ELP3: variants seen among roughly 807,000 people sequenced by gnomAD.
ELP3 encodes elongator complex protein 3.
ELP3 carries 56 observed loss-of-function variants against 74.9 expected under a neutral mutation model. The observed-to-expected ratio is 0.75, with a 90% CI of 0.60 to 0.93. The LOEUF is 0.93. Ranked by LOEUF, ELP3 falls within the 40% of genes least tolerant of loss-of-function variation. The pLI is 0.00. For synonymous variants in ELP3, 222 were observed against 239.8 expected (o/e 0.93, Z 0.68); for missense variants, 573 against 686.5 (o/e 0.83, Z 1.85).
At chr8:28,112,705 T>A (rs1024872015) in intron 6 of ELP3, 1 of 188,028 alleles carries the variant, frequency 5.3e-6, no homozygotes, top group African/African-American at 2.3e-5. Flanking sequence ...TTTTGCAAAT[T>A]GTATTATATT....
intron 14 of ELP3, among the ~76,000 whole-genome samples, chr8:28,173,269 T>A (rs1032848505): frequency 6.6e-6 from 1 of 152,032 alleles, no homozygotes; most frequent in African/African-American, 2.4e-5. Context: ...CTTTTTCTTA[T>A]TGGGACATTT....
intron 7 of ELP3, among the ~76,000 whole-genome samples, chr8:28,126,029 G>A (rs1008859109): frequency 4.6e-5 from 7 of 151,658 alleles, no homozygotes; most frequent in Non-Finnish European, 8.8e-5. Flanking sequence ...TTTAATCAAC[G>A]GAGAATTTTT....
rs377224521 is a variant in ELP3, at chr8:28,160,410, G to A, written c.1439G>A (p.Ser480Asn). Residue 480 changes from serine (S) to asparagine (N), a missense_variant, in exon 13 of 15, where the codon AGT becomes AAT. Ser to Asn is a conservative substitution (Grantham distance 46). Coordinates refer to ENST00000256398, the MANE Select transcript of ELP3 (RefSeq NM_018091.6). ...SIVRELHVYG[S>N]VVPVSSRDPT... The stretch of plus-strand genomic sequence containing the variant: ...GTACGAGAGCTGCATGTGTATGGGA[G>A]TGTGGTCCCTGTGAGCAGCCGGGAT... 24 of 1,614,042 alleles carry A rather than the reference G, an allele frequency of 1.5e-5. No homozygotes were observed. In the African/African-American group the frequency reaches 2.8e-4, roughly 19 times the overall value.
At chr8:28,101,377 G>A (rs1811478541) in intron 3 of ELP3, among the ~76,000 whole-genome samples, 1 of 152,102 alleles carries the variant, frequency 6.6e-6, no homozygotes, top group East Asian at 1.9e-4. Context: ...CTGAGATCAT[G>A]CCACTGCACT....
intron 14 of ELP3, among the ~76,000 whole-genome samples, chr8:28,181,697 C>T (rs1430219096): frequency 6.6e-6 from 1 of 152,196 alleles, no homozygotes; most frequent in Admixed American, 6.5e-5. Context: ...GTGGGCCTAC[C>T]CCATCACATA....
At chr8:28,138,566 C>G (rs936242526) in intron 10 of ELP3, among the ~76,000 whole-genome samples, 9 of 152,178 alleles carry the variant, frequency 5.9e-5, no homozygotes, top group Admixed American at 2.6e-4. Flanking sequence ...TCCCACCACC[C>G]TGCCAAAAAC....
At chr8:28,123,059 G>A (rs1205724949) in intron 7 of ELP3, among the ~76,000 whole-genome samples, 1 of 152,232 alleles carries the variant, frequency 6.6e-6, no homozygotes, top group African/African-American at 2.4e-5. Context: ...GGGAGGCAGA[G>A]GTTGCAGTGA....
chr8:28,189,756 C>T lies in ELP3; in HGVS notation c.*31C>T. On this transcript the variant is annotated 3_prime_UTR_variant, in exon 15 of 15. Transcript: ENST00000256398. ...ACACCAGTCCACTCTTCTGCAGTAT[C>T]CTCCCTGGCAGAACACGGAGAATCA... The T allele has an allele frequency of 6.3e-7, 1 of 1,595,296 alleles. No individual in the cohort carries two copies. The highest frequency in any genetic ancestry group is 8.6e-7 in the Non-Finnish European group (1 of 1,163,038).
intron 6 of ELP3, among the ~76,000 whole-genome samples, chr8:28,111,692 A>G (rs1454371119): frequency 1.3e-5 from 2 of 152,250 alleles, no homozygotes; most frequent in African/African-American, 4.8e-5. Context: ...TTTAAAATGT[A>G]AAACTATTGA....
intron 2 of ELP3, 52 bp downstream of exon 2, chr8:28,097,370 T>A (rs760796319): frequency 8.0e-7 from 1 of 1,244,736 alleles, no homozygotes; most frequent in Non-Finnish European, 1.2e-6. Context: ...CAGATCTCTT[T>A]TATGAAATTA....
intron 14 of ELP3, among the ~76,000 whole-genome samples, chr8:28,188,326 A>G (rs1458542524): frequency 1.3e-5 from 2 of 151,702 alleles, no homozygotes; most frequent in Admixed American, 1.3e-4. Flanking sequence ...AGCTCCTAAA[A>G]CCCTTGTAAT....
chr8:28,090,812 G>C (rs1811032122), upstream of ELP3, among the ~76,000 whole-genome samples: 1 of 152,046 alleles, frequency 6.6e-6, no homozygotes, highest in Admixed American at 6.5e-5. Flanking sequence ...GAATGTCTGG[G>C]TTAAGACACA....
At chr8:28,146,429 G>A (rs777024936) in intron 10 of ELP3, among the ~76,000 whole-genome samples, 17 of 152,198 alleles carry the variant, frequency 1.1e-4, no homozygotes, top group Non-Finnish European at 1.3e-4. Context: ...TTTCTGATGA[G>A]CAAATTGCAA....
intron 7 of ELP3, among the ~76,000 whole-genome samples, chr8:28,127,582 A>C (rs1260645608): frequency 6.6e-6 from 1 of 152,000 alleles, no homozygotes; most frequent in Admixed American, 6.6e-5. Flanking sequence ...CCAATAATTG[A>C]TGCTGGAGGA....
chr8:28,136,615 G>A (rs1813001642), intron 9 of ELP3, among the ~76,000 whole-genome samples: 1 of 152,214 alleles, frequency 6.6e-6, no homozygotes, highest in African/African-American at 2.4e-5. Flanking sequence ...CAGCATTTAA[G>A]AACGTGACAG....
In ELP3 at chr8:28,133,428, C is replaced by T. The variant is rs370383513; in HGVS notation, c.906+1024C>T. On this transcript the variant is annotated intron_variant, in intron 9 of 14. Coordinates refer to ENST00000256398, the MANE Select transcript of ELP3 (RefSeq NM_018091.6). ...TTCCATTAAGTCGATCTTTTTTTTC[C>T]TTTTTTTTTTTTTTCTTCAAATGCC... Among the ~76,000 whole-genome samples the T allele has an allele frequency of 7.2e-3, 981 of 135,512 alleles. 7 individuals carry two copies. Among genetic ancestry groups the T allele is most frequent in the African/African-American group, 0.022 (800 of 36,194 alleles). 88.9% of individuals were successfully genotyped at this position (135,512 alleles called of 152,430 possible).
At chr8:28,186,226 T>C (rs981806843) in intron 14 of ELP3, among the ~76,000 whole-genome samples, 1 of 152,138 alleles carries the variant, frequency 6.6e-6, no homozygotes, top group African/African-American at 2.4e-5. Flanking sequence ...AGTTTCAGCT[T>C]TACAAGATAA....
chr8:28,102,401 T>A (rs1811524947), intron 3 of ELP3, among the ~76,000 whole-genome samples: 1 of 152,220 alleles, frequency 6.6e-6, no homozygotes, highest in Non-Finnish European at 1.5e-5. Context: ...GCTTTGGCCT[T>A]TATTATTTCT....
chr8:28,092,810 A>G, upstream of ELP3: 1 of 42,008 alleles, frequency 2.4e-5, no homozygotes, highest in South Asian at 9.8e-4. Context: ...CCCGGATGTG[A>G]CGACCCTGGG....
Sources: gnomAD v4.1 joint callset for allele counts (sites outside exome capture counted in the v4.1 genomes callset) on GRCh38, gnomAD v4.1.1 for gene constraint, MANE v1.5 for transcripts, NCBI Gene and HGNC (gene_info 2026-07-23, HGNC 2026-07-21) for gene names.